Variants in VTI1A observed in about 807,000 individuals in gnomAD.
VTI1A encodes vesicle transport through interaction with t-SNAREs 1A.
VTI1A carries 22 observed loss-of-function variants against 34.9 expected under a neutral mutation model. That is an observed-to-expected ratio of 0.63 (90% CI 0.45 to 0.90). The LOEUF is 0.90. VTI1A is among the 40% of genes least tolerant of loss of function. VTI1A has a pLI of 0.00. For synonymous variants in VTI1A, 87 were observed against 97.3 expected (o/e 0.89, Z 0.62); for missense variants, 268 against 275.6 (o/e 0.97, Z 0.20).
Position 112,741,196 on chromosome 10 carries a change from C to G in VTI1A, c.560+72198C>G, listed in dbSNP as rs1021298198. Among the ~76,000 whole-genome samples, 4 of 152,182 alleles carry G rather than the reference C, an allele frequency of 2.6e-5. No individual in the cohort carries two copies. In the East Asian group the frequency reaches 7.7e-4, roughly 29 times the overall value. On this transcript the variant is annotated intron_variant, in intron 7 of 7. Coordinates refer to ENST00000393077, the MANE Select transcript of VTI1A (RefSeq NM_145206.4). ...ATGGGCCAGGCACGGTGGCTCACGCCTGTAGTCCCAGCACTTTGGGAAGCT... is the reference window on the plus strand; with the variant it reads ...ATGGGCCAGGCACGGTGGCTCACGCGTGTAGTCCCAGCACTTTGGGAAGCT...
chr10:112,551,077 A>C (rs1223744214), intron 5 of VTI1A, among the ~76,000 whole-genome samples: 1 of 152,044 alleles, frequency 6.6e-6, no homozygotes, highest in East Asian at 1.9e-4. Context: ...CCCCGTCTCT[A>C]CTAAAAATAC....
intron 3 of VTI1A, among the ~76,000 whole-genome samples, chr10:112,512,235 A>G (rs904914091): frequency 2.6e-5 from 4 of 152,134 alleles, no homozygotes; most frequent in African/African-American, 9.7e-5. Context: ...TTCATTCATA[A>G]TAGCCATTCT....
chr10:112,565,460 A>G (rs1851877019), intron 5 of VTI1A, among the ~76,000 whole-genome samples: 1 of 152,176 alleles, frequency 6.6e-6, no homozygotes, highest in South Asian at 2.1e-4. Flanking sequence ...ATTTATATTT[A>G]CTTTCAGTTT....
intron 7 of VTI1A, among the ~76,000 whole-genome samples, chr10:112,766,211 C>T (rs781070531): frequency 2.6e-5 from 4 of 152,092 alleles, no homozygotes; most frequent in East Asian, 1.9e-4. Context: ...ATAAAGAAGG[C>T]GTTCCGTGGA....
At chr10:112,692,164 T>A (rs1442012061) in intron 7 of VTI1A, among the ~76,000 whole-genome samples, 1 of 152,226 alleles carries the variant, frequency 6.6e-6, no homozygotes, top group East Asian at 1.9e-4. Flanking sequence ...CTCACCACCC[T>A]AGAGTGTAGA....
intron 3 of VTI1A, among the ~76,000 whole-genome samples, chr10:112,514,514 T>C (rs761261610): frequency 5.1e-4 from 78 of 151,826 alleles, no homozygotes; most frequent in Non-Finnish European, 7.8e-4. Context: ...TATGCCTTGA[T>C]CTTTGTTATT....
intron 7 of VTI1A, among the ~76,000 whole-genome samples, chr10:112,733,218 A>T (rs1850331428): frequency 6.6e-6 from 1 of 151,578 alleles, no homozygotes; most frequent in Non-Finnish European, 1.5e-5. Flanking sequence ...TTTATTTTTT[A>T]TTTTTTGCTT....
chr10:112,498,171 TCAG>T (rs1207336957), intron 3 of VTI1A, among the ~76,000 whole-genome samples: 1 of 152,184 alleles, frequency 6.6e-6, no homozygotes, highest in Non-Finnish European at 1.5e-5. Context: ...CAAGTCTCTG[TCAG>T]CAGCCAGCCA....
chr10:112,572,033 A>G lies in VTI1A; in HGVS notation c.427+33703A>G, dbSNP rs12258522. On this transcript the variant is annotated intron_variant, in intron 5 of 7. Transcript: ENST00000393077. Reference sequence around the variant, plus strand: ...GGCTGAAAAATTATTGTTGGGTACTATGCTCACAACTTGAATGACAGGATC... The same window carrying G: ...GGCTGAAAAATTATTGTTGGGTACTGTGCTCACAACTTGAATGACAGGATC... 6.9e-3 allele frequency among the ~76,000 whole-genome samples: 1,004 copies of G among 145,590 alleles called. 11 individuals carry two copies. The highest frequency in any genetic ancestry group is 0.025 in the African/African-American group (976 of 38,352).
rs555584403 is a variant in VTI1A, at chr10:112,471,170, C to T, written c.264+6513C>T. ...TGGCATATTTTGGTTTTCTTCATTA[C>T]GGTGGCTTATCATAGAATATAATTT... On this transcript the variant is annotated intron_variant, in intron 3 of 7. Transcript: ENST00000393077. Among the ~76,000 whole-genome samples, 11 of 152,162 alleles carry T rather than the reference C, an allele frequency of 7.2e-5. No individual in the cohort carries two copies. In the East Asian group the frequency reaches 1.4e-3, roughly 19 times the overall value.
At chr10:112,712,375 A>G (rs2133923135) in intron 7 of VTI1A, among the ~76,000 whole-genome samples, 1 of 152,184 alleles carries the variant, frequency 6.6e-6, no homozygotes, top group East Asian at 1.9e-4. Context: ...GGAAATGCTC[A>G]TCCTCCTAAT....
intron 5 of VTI1A, among the ~76,000 whole-genome samples, chr10:112,620,744 C>A (rs999110585): frequency 7.3e-5 from 11 of 150,184 alleles, no homozygotes; most frequent in Non-Finnish European, 1.6e-4. Flanking sequence ...GAACTGAGAT[C>A]ATGCCATTGC....
intron 7 of VTI1A, among the ~76,000 whole-genome samples, chr10:112,787,515 A>T (rs971996942): frequency 1.3e-5 from 2 of 152,046 alleles, no homozygotes; most frequent in Non-Finnish European, 2.9e-5. Context: ...CTAGGCAGAT[A>T]AATTTCTCTC....
At position 112,497,228 on chromosome 10, in the gene VTI1A, G is replaced by A. The variant is rs143254702; in HGVS notation, c.265-29859G>A. On this transcript the variant is annotated intron_variant, in intron 3 of 7. Coordinates refer to ENST00000393077, the MANE Select transcript of VTI1A (RefSeq NM_145206.4). ...AGGTACTCGGGAGGCTGAGGCAGGC[G>A]AATCACTTGAACCCAGGAGGTGGAG... Among the ~76,000 whole-genome samples, 950 of 151,958 alleles carry A rather than the reference G, an allele frequency of 6.3e-3. 16 individuals carry two copies. The highest frequency in any genetic ancestry group is 0.022 in the African/African-American group (902 of 41,434).
At chr10:112,774,679 T>C (rs569497782) in intron 7 of VTI1A, among the ~76,000 whole-genome samples, 1 of 152,232 alleles carries the variant, frequency 6.6e-6, no homozygotes, top group South Asian at 2.1e-4. Context: ...ATGGGCCTAA[T>C]GTACAATATT....
At chr10:112,501,466 CA>C (rs1271581486) in intron 3 of VTI1A, among the ~76,000 whole-genome samples, 1 of 151,420 alleles carries the variant, frequency 6.6e-6, no homozygotes, top group African/African-American at 2.4e-5. Flanking sequence ...AAGATATTTA[CA>C]AAAAAATGAA....
chr10:112,693,518 G>A (rs1295030533), intron 7 of VTI1A, among the ~76,000 whole-genome samples: 1 of 152,154 alleles, frequency 6.6e-6, no homozygotes, highest in Non-Finnish European at 1.5e-5. Flanking sequence ...TTGCATTCCA[G>A]TCTGGACAAC....
chr10:112,616,157 A>G (rs548205741), intron 5 of VTI1A, among the ~76,000 whole-genome samples: 1 of 152,340 alleles, frequency 6.6e-6, no homozygotes, highest in Non-Finnish European at 1.5e-5. Flanking sequence ...AGAGAGAAGC[A>G]GTGGGTTGAA....
chr10:112,731,727 T>G (rs1850270355), intron 7 of VTI1A, among the ~76,000 whole-genome samples: 1 of 152,214 alleles, frequency 6.6e-6, no homozygotes, highest in African/African-American at 2.4e-5. Flanking sequence ...ATGACTTCTA[T>G]TTGCCTTTTG....
Sources: allele counts gnomAD v4.1 joint callset (sites outside exome capture counted in the v4.1 genomes callset), GRCh38; gene constraint gnomAD v4.1.1; transcripts MANE v1.5; gene names NCBI Gene and HGNC (gene_info 2026-07-23, HGNC 2026-07-21).